The following FBXO42 variants were observed in gnomAD, a reference collection of about 807,000 sequenced individuals.
FBXO42 encodes F-box only protein 42.
FBXO42 carries 12 observed loss-of-function variants against 71.7 expected under a neutral mutation model. The observed-to-expected ratio is 0.17, with a 90% CI of 0.11 to 0.27. The LOEUF is 0.27. Ranked by LOEUF, FBXO42 falls within the 10% of genes least tolerant of loss-of-function variation. The pLI is 1.00. For missense variants in FBXO42, 707 were observed against 911.9 expected, an observed-to-expected ratio of 0.78 and a Z score of 2.89; for synonymous variants, 325 against 327.5, an observed-to-expected ratio of 0.99 and a Z score of 0.08.
At chr1:16,346,245 A>C (rs1021844678) in intron 1 of FBXO42, among the ~76,000 whole-genome samples, 1 of 152,196 alleles carries the variant, frequency 6.6e-6, no homozygotes, top group Non-Finnish European at 1.5e-5. Context: ...GAAACATTTG[A>C]AAGTGCGTTT....
chr1:16,250,946 T>C lies in FBXO42; in HGVS notation c.1878A>G (p.Pro626=). ...PIARRLGHHP[P]QSLNVGKPLY... ...GGGGTTTGCCAACATTTAGGGACTGTGGAGGGTGGTGGCCCAGGCGGCGAG... is the reference window on the plus strand; with the variant it reads ...GGGGTTTGCCAACATTTAGGGACTGCGGAGGGTGGTGGCCCAGGCGGCGAG... The change falls in exon 10 of 10, where the codon CCA becomes CCG. Residue 626 remains proline (P), a synonymous_variant. Transcript: ENST00000375592. The surrounding 1 kb of genome is among the most constrained non-coding windows in gnomAD (Gnocchi z 4.7). 1 of 1,614,090 alleles carries C rather than the reference T, an allele frequency of 6.2e-7. No individual in the cohort carries two copies. The highest frequency in any genetic ancestry group is 8.5e-7 in the Non-Finnish European group (1 of 1,180,020).
chr1:16,286,069 G>A (rs1236591735), intron 4 of FBXO42, among the ~76,000 whole-genome samples: 1 of 151,384 alleles, frequency 6.6e-6, no homozygotes, highest in Non-Finnish European at 1.5e-5. Flanking sequence ...TTAATTTTTT[G>A]AGGAGATGGC....
At chr1:16,269,767 C>T (rs1211698894) in intron 4 of FBXO42, among the ~76,000 whole-genome samples, 1 of 149,992 alleles carries the variant, frequency 6.7e-6, no homozygotes, top group African/African-American at 2.5e-5. Context: ...TCAGGTGATC[C>T]GCCTACCTCG....
chr1:16,316,861 T>C (rs2082371726), intron 1 of FBXO42, among the ~76,000 whole-genome samples: 1 of 150,944 alleles, frequency 6.6e-6, no homozygotes, highest in Non-Finnish European at 1.5e-5. Context: ...AGTAAAAAAC[T>C]AGAACAACAT....
At position 16,250,819 on chromosome 1, in the gene FBXO42, A is replaced by T; in HGVS notation, c.2005T>A (p.Ser669Thr). The T allele has an allele frequency of 3.7e-6, 6 of 1,614,092 alleles. No individual in the cohort carries two copies. The highest frequency in any genetic ancestry group is 4.2e-6 in the Non-Finnish European group (5 of 1,180,014). ...RVKWKVFNSS[S>T]VVGPPETSLH... The stretch of plus-strand genomic sequence containing the variant: ...CTGGTTTCAGGAGGTCCAACCACAG[A>T]ACTGCTATTAAATACTTTCCATTTG... The change falls in exon 10 of 10, where the codon TCT (serine) becomes ACT (threonine). Residue 669 changes from serine to threonine, a missense_variant. Physicochemically the swap from Ser to Thr is moderately conservative, Grantham distance 58 (BLOSUM62 1). Around this residue, in one of 5 missense-constraint regions of FBXO42, gnomAD observed 482 missense variants for 587.1 expected, o/e 0.82. Coordinates refer to ENST00000375592, the MANE Select transcript of FBXO42 (RefSeq NM_018994.3). This position sits in a 1 kb window ranked among gnomAD's most constrained non-coding sequence, Gnocchi z 4.7.
At chr1:16,265,404 T>G (rs2081760582) in intron 4 of FBXO42, among the ~76,000 whole-genome samples, 1 of 152,226 alleles carries the variant, frequency 6.6e-6, no homozygotes, top group South Asian at 2.1e-4. Flanking sequence ...AAAATATTTT[T>G]ATATCTCCAT....
At chr1:16,268,279 C>A (rs1486268888) in intron 4 of FBXO42, among the ~76,000 whole-genome samples, 1 of 152,184 alleles carries the variant, frequency 6.6e-6, no homozygotes, top group Non-Finnish European at 1.5e-5. Context: ...CTTACTTATT[C>A]TCTCCCTGGG....
At chr1:16,297,314 G>C (rs929368968) in intron 3 of FBXO42, among the ~76,000 whole-genome samples, 15 of 152,078 alleles carry the variant, frequency 9.9e-5, no homozygotes, top group African/African-American at 3.6e-4. Flanking sequence ...CGGTAAGAAG[G>C]CCAAGTCAGA....
Position 16,247,811 on chromosome 1 carries a change from C to T in FBXO42, c.*2859G>A, listed in dbSNP as rs932047165. ...GAAATAGGAATGAAAACACAAAACC[C>T]GCTCTGCTGTATAACCTGTGAAATA... is the stretch of plus-strand genomic sequence containing the variant. On this transcript the variant is annotated 3_prime_UTR_variant, in exon 10 of 10. Coordinates refer to ENST00000375592, the MANE Select transcript of FBXO42 (RefSeq NM_018994.3). 1 of 152,146 alleles carries T rather than the reference C, an allele frequency of 6.6e-6. No homozygotes were observed. The highest frequency in any genetic ancestry group is 2.4e-5 in the African/African-American group (1 of 41,428). 9.4% of individuals were successfully genotyped at this position (152,146 alleles called of 1,614,324 possible). A position where few individuals can be genotyped will look rare whatever the true frequency, so the allele number is the denominator to read the frequency against.
chr1:16,331,036 G>A (rs2082494059), intron 1 of FBXO42, among the ~76,000 whole-genome samples: 1 of 151,592 alleles, frequency 6.6e-6, no homozygotes, highest in Non-Finnish European at 1.5e-5. Flanking sequence ...CAGGAGAATC[G>A]CTTGAACCAG....
intron 4 of FBXO42, among the ~76,000 whole-genome samples, chr1:16,288,485 C>T (rs1380177618): frequency 6.6e-6 from 1 of 150,924 alleles, no homozygotes; most frequent in Non-Finnish European, 1.5e-5. Flanking sequence ...AAATGTCAAA[C>T]TCTCATAACA....
intron 4 of FBXO42, among the ~76,000 whole-genome samples, chr1:16,291,902 C>T (rs2082083323): frequency 1.3e-5 from 2 of 152,134 alleles, no homozygotes; most frequent in Admixed American, 1.3e-4. Flanking sequence ...AAATTCCTGG[C>T]CTCAAGAGAT....
At position 16,298,118 on chromosome 1, in the gene FBXO42, G is replaced by A. The variant is rs144451587; in HGVS notation, c.368-3201C>T. On this transcript the variant is annotated intron_variant, in intron 3 of 9. Coordinates refer to ENST00000375592, the MANE Select transcript of FBXO42 (RefSeq NM_018994.3). ...CATGCACCTGTAACTCCCAGCTACT[G>A]GGGAGGCTGAGGCAGTAGAATCGCT... is the stretch of plus-strand genomic sequence containing the variant. 7.1e-3 allele frequency among the ~76,000 whole-genome samples: 1,069 copies of A among 151,480 alleles called. 6 individuals are homozygous for A. Among genetic ancestry groups the A allele is most frequent in the Middle Eastern group, 0.017 (5 of 290 alleles).
At position 16,338,482 on chromosome 1, in the gene FBXO42, G is replaced by GATGCTGGGCATCAAA. The variant is rs1466667652; in HGVS notation, c.-18+13772_-18+13773insTTTGATGCCCAGCAT. 1.6e-4 allele frequency among the ~76,000 whole-genome samples: 24 copies of GATGCTGGGCATCAAA among 150,648 alleles called. No individual in the cohort carries two copies. In the Admixed American group the frequency reaches 1.6e-3, roughly 10 times the overall value. ...CCTTTTATTGTTATCCCCCTGCTTT[G>GATGCTGGGCATCAAA]ATGCTGGGCATTGTCATCCACACTT... On this transcript the variant is annotated intron_variant, in intron 1 of 9. Transcript: ENST00000375592.
Position 16,252,975 on chromosome 1 carries a change from C to A in FBXO42, c.921+121G>T. On this transcript the variant is annotated intron_variant, in intron 8 of 9. Transcript: ENST00000375592. This position sits in a 1 kb window ranked among gnomAD's most constrained non-coding sequence, Gnocchi z 4.4. Reference sequence around the variant, plus strand: ...AAATACAAAGGCTATACCCAAAAAGCATTCCTTAAATTAAAATGCCATGGA... The same window carrying A: ...AAATACAAAGGCTATACCCAAAAAGAATTCCTTAAATTAAAATGCCATGGA... 3.7e-6 allele frequency: 3 copies of A among 817,508 alleles called. No individual in the cohort carries two copies. The highest frequency in any genetic ancestry group is 5.6e-6 in the Non-Finnish European group (3 of 535,964). 50.6% of individuals were successfully genotyped at this position (817,508 alleles called of 1,614,324 possible).
intron 1 of FBXO42, among the ~76,000 whole-genome samples, chr1:16,347,786 G>C (rs888783248): frequency 6.6e-6 from 1 of 152,086 alleles, no homozygotes; most frequent in African/African-American, 2.4e-5. Context: ...TCTGGAAATC[G>C]AGACAATCCT....
At chr1:16,265,688 T>C (rs1239555383) in intron 4 of FBXO42, among the ~76,000 whole-genome samples, 1 of 151,792 alleles carries the variant, frequency 6.6e-6, no homozygotes, top group Non-Finnish European at 1.5e-5. Flanking sequence ...TTCCATGTTC[T>C]GAGTAATCAA....
At chr1:16,350,614 G>C (rs913575161) in intron 1 of FBXO42, among the ~76,000 whole-genome samples, 18 of 148,926 alleles carry the variant, frequency 1.2e-4, no homozygotes, top group African/African-American at 4.4e-4. Flanking sequence ...GGGCGTGGTG[G>C]CGCACACCTG....
intron 2 of FBXO42, among the ~76,000 whole-genome samples, chr1:16,308,179 C>T (rs2082272327): frequency 6.6e-6 from 1 of 152,072 alleles, no homozygotes. Flanking sequence ...TGGGGTCTCA[C>T]TATATTGTCC....
Sources: allele counts gnomAD v4.1 joint callset (sites outside exome capture counted in the v4.1 genomes callset), GRCh38; gene constraint gnomAD v4.1.1; regional missense constraint gnomAD v4.1.1; non-coding constraint Gnocchi (gnomAD v3.1); transcripts MANE v1.5; gene names NCBI Gene and HGNC (gene_info 2026-07-23, HGNC 2026-07-21).